Variants in STK32B observed in about 807,000 individuals in gnomAD.
STK32B encodes serine/threonine kinase 32B.
STK32B carries 43 observed loss-of-function variants against 52.6 expected under a neutral mutation model. The ratio of observed to expected loss-of-function variants is 0.82; its 90% CI spans 0.64 to 1.05. The LOEUF (loss-of-function observed/expected upper bound fraction) is 1.05, where lower values mean the gene tolerates loss of function less well. Ranked by LOEUF, STK32B falls within the 50% of genes least tolerant of loss-of-function variation. The pLI is 0.00. For synonymous variants in STK32B, 238 were observed against 204.3 expected (o/e 1.17, Z -1.41); for missense variants, 621 against 534.6 (o/e 1.16, Z -1.59).
At chr4:5,047,609 A>G (rs1424018107), upstream of STK32B, among the ~76,000 whole-genome samples, 3 of 152,208 alleles carry the variant, frequency 2.0e-5, no homozygotes, top group Non-Finnish European at 4.4e-5. Context: ...TTTGTAAAGT[A>G]TCAACTCTGT....
At chr4:5,297,497 T>G (rs1729278369) in intron 3 of STK32B, among the ~76,000 whole-genome samples, 1 of 152,132 alleles carries the variant, frequency 6.6e-6, no homozygotes, top group Non-Finnish European at 1.5e-5. Flanking sequence ...TTCTCTAATC[T>G]TGTCTTCACG....
chr4:5,445,656 T>A (rs913983741), intron 6 of STK32B, among the ~76,000 whole-genome samples: 3 of 152,126 alleles, frequency 2.0e-5, no homozygotes, highest in African/African-American at 4.8e-5. Context: ...TTTTTTCTAT[T>A]GAGGTGAAAT....
At position 5,386,921 on chromosome 4, in the gene STK32B, C is replaced by T. The variant is rs551936717; in HGVS notation, c.435-11286C>T. 1.1e-4 allele frequency among the ~76,000 whole-genome samples: 16 copies of T among 152,272 alleles called. No homozygotes were observed. The highest frequency in any genetic ancestry group is 2.1e-4 in the Non-Finnish European group (14 of 68,024). On this transcript the variant is annotated intron_variant, in intron 4 of 11. Transcript: ENST00000282908. This position sits in a 1 kb window ranked among gnomAD's most constrained non-coding sequence, Gnocchi z 4.5. ...GAGGAACATGAGGCCGTGGCCTGAG[C>T]GTCTTCACAGAAATAGGAAGCTCTC...
chr4:5,330,342 A>G (rs1732149335), intron 3 of STK32B, among the ~76,000 whole-genome samples: 1 of 152,202 alleles, frequency 6.6e-6, no homozygotes, highest in Admixed American at 6.5e-5. Context: ...TTTAACAACA[A>G]TCTCAGATTC....
chr4:5,426,583 T>G (rs1170421975), intron 6 of STK32B, among the ~76,000 whole-genome samples: 1 of 149,300 alleles, frequency 6.7e-6, no homozygotes, highest in Non-Finnish European at 1.5e-5. Context: ...GGTGTGCACC[T>G]GTAATCCCAC....
chr4:5,072,101 G>C (rs141765814), intron 1 of STK32B, among the ~76,000 whole-genome samples: 8 of 152,250 alleles, frequency 5.3e-5, no homozygotes, highest in African/African-American at 1.9e-4. Context: ...ATTTATGGCT[G>C]AAACCTATAG....
chr4:5,113,981 A>C (rs111847227), intron 1 of STK32B, among the ~76,000 whole-genome samples: 4 of 152,188 alleles, frequency 2.6e-5, no homozygotes, highest in African/African-American at 7.2e-5. Flanking sequence ...CGAGAATAGC[A>C]TGAGAAAGAC....
chr4:5,171,068 C>T (rs1397441406), intron 3 of STK32B, among the ~76,000 whole-genome samples: 1 of 152,164 alleles, frequency 6.6e-6, no homozygotes, highest in Non-Finnish European at 1.5e-5. Flanking sequence ...TGATGATGAG[C>T]ATTTTTTCAT....
intron 11 of STK32B, among the ~76,000 whole-genome samples, chr4:5,487,760 C>T (rs965509014): frequency 1.3e-5 from 2 of 152,144 alleles, no homozygotes; most frequent in East Asian, 1.9e-4. Flanking sequence ...TATGGAGTCT[C>T]GTTCTGACAC....
chr4:5,031,720 G>A, the STK32B span, among the ~76,000 whole-genome samples: 75 of 152,326 alleles, frequency 4.9e-4, 1 homozygote, highest in African/African-American at 1.7e-3. Context: ...GCACGTTACA[G>A]AGGCCCAAAT....
chr4:5,230,450 A>G (rs112983564), intron 3 of STK32B, among the ~76,000 whole-genome samples: 22,227 of 151,996 alleles, frequency 0.15, 2,011 homozygotes, highest in Admixed American at 0.27. Flanking sequence ...TTGGCCTCCC[A>G]AAGTGCTGGC....
At chr4:5,146,987 A>G (rs906113625) in intron 2 of STK32B, among the ~76,000 whole-genome samples, 2 of 152,240 alleles carry the variant, frequency 1.3e-5, no homozygotes, top group African/African-American at 4.8e-5. Flanking sequence ...CTGTATATCA[A>G]TTTGGAAATA....
intron 3 of STK32B, among the ~76,000 whole-genome samples, chr4:5,228,304 G>A (rs554464873): frequency 1.4e-4 from 22 of 152,232 alleles, no homozygotes; most frequent in African/African-American, 4.3e-4. Context: ...CTTCATGTTT[G>A]CAATTAAATC....
At chr4:5,436,626 T>C (rs550022094) in intron 6 of STK32B, 20 of 985,308 alleles carry the variant, frequency 2.0e-5, no homozygotes, top group Non-Finnish European at 2.2e-5. Context: ...CATCAGAACA[T>C]GAGCAGCATG....
chr4:5,271,466 A>C (rs1050693709), intron 3 of STK32B, among the ~76,000 whole-genome samples: 6 of 151,906 alleles, frequency 3.9e-5, no homozygotes, highest in Admixed American at 2.0e-4. Context: ...CTTTTGGCTT[A>C]GGATTGACTT....
rs1361444795 is a variant in STK32B, at chr4:5,168,463, C to G, written c.260+13C>G. 1 of 1,606,554 alleles carries G rather than the reference C, an allele frequency of 6.2e-7. No individual in the cohort carries two copies. Among genetic ancestry groups the G allele is most frequent in the Non-Finnish European group, 8.5e-7 (1 of 1,175,522 alleles). On this transcript the variant is annotated intron_variant, in intron 3 of 11. Transcript: ENST00000282908. ...TGGTCAATCTGTGGTGAGTGTGGCT[C>G]CATCCAGGGCTCCTGTGGGTTCCCC...
intron 7 of STK32B, among the ~76,000 whole-genome samples, chr4:5,451,662 G>A (rs943070890): frequency 6.6e-5 from 10 of 152,128 alleles, no homozygotes; most frequent in African/African-American, 2.4e-4. Context: ...ATGATTTTTT[G>A]TGGTGCGGGA....
At chr4:5,459,293 C>A (rs1424407323) in intron 8 of STK32B, among the ~76,000 whole-genome samples, 2 of 147,356 alleles carry the variant, frequency 1.4e-5, no homozygotes, top group East Asian at 2.0e-4. Context: ...CCCCCCCCCC[C>A]CACCTTTCTA....
chr4:5,349,944 AAG>A (rs1463538484), intron 4 of STK32B, among the ~76,000 whole-genome samples: 10 of 152,210 alleles, frequency 6.6e-5, no homozygotes, highest in Admixed American at 1.3e-4. Context: ...ATAAAGATAA[AAG>A]AATAAAAAAT....
Sources: allele counts gnomAD v4.1 joint callset (sites outside exome capture counted in the v4.1 genomes callset), GRCh38; gene constraint gnomAD v4.1.1; non-coding constraint Gnocchi (gnomAD v3.1); transcripts MANE v1.5; gene names NCBI Gene and HGNC (gene_info 2026-07-23, HGNC 2026-07-21).